SNX24: variants seen among roughly 807,000 people sequenced by gnomAD.
SNX24 encodes the protein sorting nexin-24.
In SNX24, 22 loss-of-function variants were observed where a neutral mutation model predicts 28.7. The observed-to-expected ratio is 0.77, with a 90% CI of 0.55 to 1.10. SNX24 has a LOEUF of 1.10. Ranked by LOEUF, SNX24 falls within the 50% of genes least tolerant of loss-of-function variation. The pLI, the probability that SNX24 is intolerant of heterozygous loss-of-function variation, is 0.00. For synonymous variants in SNX24, 69 were observed against 71.5 expected (o/e 0.96, Z 0.18); for missense variants, 221 against 201.1 (o/e 1.10, Z -0.60).
At position 122,972,912 on chromosome 5, in the gene SNX24, C is replaced by G. The variant is rs536744713; in HGVS notation, c.249+26753C>G. ...CACTCAGTGGTGGCCATAGCTAGGT[C>G]GGCCTTGCTGAGTGTAAGTCCATGT... On this transcript the variant is annotated intron_variant, in intron 3 of 6. Transcript: ENST00000261369. Among the ~76,000 whole-genome samples the G allele has an allele frequency of 3.3e-5, 5 of 152,284 alleles. No homozygotes were observed. In the South Asian group the frequency reaches 6.2e-4, roughly 19 times the overall value.
chr5:122,891,664 T>C (rs554652288), intron 1 of SNX24, among the ~76,000 whole-genome samples: 82 of 152,356 alleles, frequency 5.4e-4, no homozygotes, highest in African/African-American at 1.8e-3. Flanking sequence ...GGAGAAGTAT[T>C]ACTGGATCTT....
Position 122,910,921 on chromosome 5 carries a change from A to G in SNX24, c.61-25813A>G, listed in dbSNP as rs1045447679. 2.6e-5 allele frequency among the ~76,000 whole-genome samples: 4 copies of G among 152,250 alleles called. No individual in the cohort carries two copies. In the South Asian group the frequency reaches 8.3e-4, roughly 32 times the overall value. ...CTTTGCTATTGTGAATAATGCCTCA[A>G]TAAACATACGTGTGCATGTGTCTTT... On this transcript the variant is annotated intron_variant, in intron 1 of 6. Transcript: ENST00000261369.
chr5:122,889,132 A>G (rs927867857), intron 1 of SNX24, among the ~76,000 whole-genome samples: 1 of 152,166 alleles, frequency 6.6e-6, no homozygotes, highest in Non-Finnish European at 1.5e-5. Flanking sequence ...GATAACACGC[A>G]TTGAGCTACC....
chr5:122,881,876 A>G (rs1269419241), intron 1 of SNX24, among the ~76,000 whole-genome samples: 3 of 151,888 alleles, frequency 2.0e-5, no homozygotes, highest in Non-Finnish European at 2.9e-5. Context: ...GGTTCCATGG[A>G]CTTTGCCTTA....
At chr5:122,875,870 A>T (rs1211763298) in intron 1 of SNX24, among the ~76,000 whole-genome samples, 2 of 152,132 alleles carry the variant, frequency 1.3e-5, no homozygotes, top group African/African-American at 2.4e-5. Context: ...GCTCACTGCA[A>T]CCTCTGCTCT....
intron 3 of SNX24, among the ~76,000 whole-genome samples, chr5:122,991,655 T>G (rs980695722): frequency 6.6e-6 from 1 of 152,144 alleles, no homozygotes; most frequent in African/African-American, 2.4e-5. Flanking sequence ...GAGATGGGGC[T>G]TCTCCATGTT....
At chr5:122,850,228 C>T (rs2150029741) in intron 1 of SNX24, among the ~76,000 whole-genome samples, 1 of 152,302 alleles carries the variant, frequency 6.6e-6, no homozygotes, top group African/African-American at 2.4e-5. Context: ...GATCAAGGTG[C>T]TAGCAGATTC....
At chr5:122,990,186 C>T (rs1301422201) in intron 3 of SNX24, among the ~76,000 whole-genome samples, 1 of 152,204 alleles carries the variant, frequency 6.6e-6, no homozygotes, top group African/African-American at 2.4e-5. Context: ...GTCACACTCT[C>T]TAACCATTTC....
chr5:122,990,315 T>C (rs1024719892), intron 3 of SNX24, among the ~76,000 whole-genome samples: 1 of 152,202 alleles, frequency 6.6e-6, no homozygotes. Flanking sequence ...AATATATTGT[T>C]ATAACCGAAC....
intron 3 of SNX24, chr5:122,982,990 G>A (rs916257596): frequency 1.2e-4 from 18 of 152,000 alleles, no homozygotes; most frequent in Non-Finnish European, 2.6e-4. Context: ...CAGGCTATCC[G>A]TAGTTATTGA....
chr5:122,895,624 G>A (rs897701898), intron 1 of SNX24, among the ~76,000 whole-genome samples: 4 of 152,188 alleles, frequency 2.6e-5, no homozygotes, highest in South Asian at 2.1e-4. Context: ...CAGGGGACAC[G>A]TCTGCAAAGT....
At chr5:122,955,437 T>G (rs993061052) in intron 3 of SNX24, among the ~76,000 whole-genome samples, 1 of 152,232 alleles carries the variant, frequency 6.6e-6, no homozygotes, top group Non-Finnish European at 1.5e-5. Flanking sequence ...TCCTGGTTCT[T>G]GGTACAATGG....
At chr5:123,001,753 G>C (rs1269027116) in intron 5 of SNX24, among the ~76,000 whole-genome samples, 187 bp from the exon 6 acceptor site, 1 of 152,182 alleles carries the variant, frequency 6.6e-6, no homozygotes, top group Admixed American at 6.5e-5. Flanking sequence ...ACAAAGAAAT[G>C]TTTAGAAGAT....
Position 122,993,810 on chromosome 5 carries a change from C to T in SNX24, c.250-6102C>T, listed in dbSNP as rs1018294473. On this transcript the variant is annotated intron_variant, in intron 3 of 6. Transcript: ENST00000261369. ...ATTTTTCTCCCTCCTTGTTTTTAGCCGTATCTCTGAAGTAGATATGGTATG... is the reference window on the plus strand; with the variant it reads ...ATTTTTCTCCCTCCTTGTTTTTAGCTGTATCTCTGAAGTAGATATGGTATG... Among the ~76,000 whole-genome samples, 5 of 152,228 alleles carry T rather than the reference C, an allele frequency of 3.3e-5. No individual in the cohort carries two copies. The East Asian group carries it at 5.8e-4, about 18-fold the overall frequency.
At chr5:123,018,205 G>A (rs1378438957) in intron 5 of SNX24, among the ~76,000 whole-genome samples, 4 of 151,954 alleles carry the variant, frequency 2.6e-5, no homozygotes, top group African/African-American at 4.8e-5. Flanking sequence ...GAGTTCTGAA[G>A]TCTTTGTAAG....
At chr5:122,927,397 A>G (rs531940447) in intron 1 of SNX24, among the ~76,000 whole-genome samples, 11 of 52,104 alleles carry the variant, frequency 2.1e-4, no homozygotes, top group African/African-American at 1.7e-3. Flanking sequence ...TTTGTAGGCT[A>G]TTTATCTTTT....
chr5:122,849,979 T>C (rs1469458528), intron 1 of SNX24, among the ~76,000 whole-genome samples: 1 of 152,100 alleles, frequency 6.6e-6, no homozygotes, highest in East Asian at 1.9e-4. Flanking sequence ...TTGTGCGAAG[T>C]GATTGCAGTA....
intron 3 of SNX24, among the ~76,000 whole-genome samples, chr5:122,987,888 G>A (rs551148817): frequency 6.6e-5 from 10 of 152,314 alleles, no homozygotes; most frequent in Non-Finnish European, 1.0e-4. Context: ...TGGCCTGTGT[G>A]CATGCATTAA....
chr5:122,866,830 C>T (rs1447689112), intron 1 of SNX24, among the ~76,000 whole-genome samples: 1 of 152,180 alleles, frequency 6.6e-6, no homozygotes, highest in East Asian at 1.9e-4. Flanking sequence ...CATAAAGTGG[C>T]TAGGCAACAG....
Sources: gnomAD v4.1 joint callset for allele counts (sites outside exome capture counted in the v4.1 genomes callset) on GRCh38, gnomAD v4.1.1 for gene constraint, MANE v1.5 for transcripts, NCBI Gene and HGNC (gene_info 2026-07-23, HGNC 2026-07-21) for gene names.